Variants in BTC observed in about 807,000 individuals in gnomAD.
BTC encodes the protein probetacellulin.
In BTC, 13 loss-of-function variants were observed where a neutral mutation model predicts 18.1. That is an observed-to-expected ratio of 0.72 (90% CI 0.47 to 1.14). The LOEUF is 1.14. Among genes scored for constraint, BTC ranks in the 50% most tolerant of loss-of-function variants. The pLI, the probability that BTC is intolerant of heterozygous loss-of-function variation, is 0.00. For synonymous variants in BTC, 83 were observed against 79.4 expected, an observed-to-expected ratio of 1.05 and a Z score of -0.24; for missense variants, 247 against 224.2, an observed-to-expected ratio of 1.10 and a Z score of -0.65.
chr4:74,776,791 G>T (rs572928569), intron 1 of BTC, among the ~76,000 whole-genome samples: 1 of 152,064 alleles, frequency 6.6e-6, no homozygotes, highest in Admixed American at 6.6e-5. Flanking sequence ...CATTTTTAGA[G>T]CCAAGTGCAT....
chr4:74,764,151 TG>T (rs1467253551), intron 2 of BTC, among the ~76,000 whole-genome samples: 1 of 152,106 alleles, frequency 6.6e-6, no homozygotes, highest in Non-Finnish European at 1.5e-5. Flanking sequence ...ACTTCCTCAG[TG>T]ATCCTCCAGA....
chr4:74,758,791 C>T lies in BTC; in HGVS notation c.164-2815G>A, dbSNP rs553516634. Among the ~76,000 whole-genome samples the T allele has an allele frequency of 5.9e-5, 9 of 152,290 alleles. No individual in the cohort carries two copies. The East Asian group carries it at 1.7e-3, about 29-fold the overall frequency. ...GTTTTGATCGCTCACAGAGCTCTCT[C>T]CTTTGCCAAGTAAGCATGCTCTTAA... On this transcript the variant is annotated intron_variant, in intron 2 of 5. Transcript: ENST00000395743.
intron 1 of BTC, among the ~76,000 whole-genome samples, chr4:74,792,625 C>T (rs1411378781): frequency 6.6e-6 from 1 of 152,202 alleles, no homozygotes; most frequent in Non-Finnish European, 1.5e-5. Context: ...CTGGCTTTTT[C>T]AGTTCTTCAT....
At chr4:74,750,763 T>C in intron 3 of BTC, 44 bp from the exon 4 acceptor site, 1 of 1,588,598 alleles carries the variant, frequency 6.3e-7, no homozygotes, top group Non-Finnish European at 8.5e-7. Context: ...TTGCAAGACT[T>C]TTAAGAATCT....
intron 4 of BTC, among the ~76,000 whole-genome samples, chr4:74,750,060 C>T (rs1724417917): frequency 6.6e-6 from 1 of 151,966 alleles, no homozygotes; most frequent in Non-Finnish European, 1.5e-5. Context: ...TACACCACTG[C>T]CCTCCAGCCT....
chr4:74,792,110 A>T (rs985301033), intron 1 of BTC, among the ~76,000 whole-genome samples: 1 of 152,200 alleles, frequency 6.6e-6, no homozygotes, highest in South Asian at 2.1e-4. Context: ...TAAAGTGTGT[A>T]TGACAGAAAT....
intron 4 of BTC, among the ~76,000 whole-genome samples, chr4:74,749,714 T>TAAGAAAAAAAAAAA (rs1724404729): frequency 8.7e-6 from 1 of 114,558 alleles, no homozygotes; most frequent in Non-Finnish European, 1.9e-5. Context: ...TTGTTGTTTT[T>TAAGAAAAAAAAAAA]GGTAGCATAC....
chr4:74,788,064 G>T (rs2109920768), intron 1 of BTC, among the ~76,000 whole-genome samples: 1 of 152,262 alleles, frequency 6.6e-6, no homozygotes, highest in East Asian at 1.9e-4. Flanking sequence ...AATATTTTAA[G>T]TCTATCTTGT....
intron 2 of BTC, among the ~76,000 whole-genome samples, chr4:74,769,581 A>C (rs185539140): frequency 7.9e-4 from 121 of 152,346 alleles, no homozygotes; most frequent in African/African-American, 2.8e-3. Context: ...GAGAACACTA[A>C]TTCAAGCATC....
At chr4:74,794,121 C>T (rs925686014) in intron 1 of BTC, 141 bp downstream of exon 1, 5 of 1,062,208 alleles carry the variant, frequency 4.7e-6, no homozygotes, top group Non-Finnish European at 6.9e-6. Context: ...GCTCTCCCAG[C>T]CTTCAAAGTT....
intron 1 of BTC, among the ~76,000 whole-genome samples, chr4:74,793,652 T>A: frequency 6.6e-6 from 1 of 152,092 alleles, no homozygotes; most frequent in Non-Finnish European, 1.5e-5. Flanking sequence ...TCCAGCCACA[T>A]CTGAAGTTCC....
In BTC at chr4:74,767,627, G is replaced by A. The variant is rs1478621354; in HGVS notation, c.163+2431C>T. On this transcript the variant is annotated intron_variant, in intron 2 of 5. Transcript: ENST00000395743. The stretch of plus-strand genomic sequence containing the variant: ...CCCTGGATAGCCAAAACAATCTTGA[G>A]CAAGAACAAAGTTGGAGGTATCGTT... 3.3e-5 allele frequency among the ~76,000 whole-genome samples: 5 copies of A among 152,042 alleles called. No homozygotes were observed. In the South Asian group the frequency reaches 8.3e-4, roughly 25 times the overall value.
intron 3 of BTC, among the ~76,000 whole-genome samples, chr4:74,753,319 T>A (rs1453262653): frequency 2.6e-5 from 4 of 152,176 alleles, no homozygotes; most frequent in Admixed American, 2.6e-4. Context: ...TATTACCACC[T>A]TTGAGGTATG....
chr4:74,792,268 T>C (rs1307680441), intron 1 of BTC, among the ~76,000 whole-genome samples: 5 of 152,202 alleles, frequency 3.3e-5, no homozygotes, highest in African/African-American at 9.7e-5. Flanking sequence ...TTACCCTGAG[T>C]GTACAATAGC....
chr4:74,794,361 A>G lies in BTC; in HGVS notation c.-36T>C. The G allele has an allele frequency of 6.6e-7, 1 of 1,513,350 alleles. No individual in the cohort carries two copies. Among genetic ancestry groups the G allele is most frequent in the Non-Finnish European group, 8.8e-7 (1 of 1,130,542 alleles). 93.7% of individuals were successfully genotyped at this position (1,513,350 alleles called of 1,614,324 possible). On this transcript the variant is annotated 5_prime_UTR_variant, in exon 1 of 6. Transcript: ENST00000395743. Reference sequence around the variant, plus strand: ...CTGCCGGGCCGGGCAGCCCCTAGACAAGTCTCCCTCCTTCTTCGCCCCCTT... The same window carrying G: ...CTGCCGGGCCGGGCAGCCCCTAGACGAGTCTCCCTCCTTCTTCGCCCCCTT...
chr4:74,748,271 G>A (rs949320234), intron 4 of BTC, 122 bp from the exon 5 acceptor site: 36 of 562,144 alleles, frequency 6.4e-5, no homozygotes, highest in East Asian at 9.9e-5. Context: ...GTTCTAGGCC[G>A]GGCGCAGTGG....
At chr4:74,767,256 A>G (rs1263114842) in intron 2 of BTC, among the ~76,000 whole-genome samples, 1 of 152,018 alleles carries the variant, frequency 6.6e-6, no homozygotes, top group African/African-American at 2.4e-5. Flanking sequence ...ATACAAAATC[A>G]ACATGAAAAA....
At chr4:74,771,925 G>A (rs1725053948) in intron 1 of BTC, among the ~76,000 whole-genome samples, 1 of 152,144 alleles carries the variant, frequency 6.6e-6, no homozygotes, top group Admixed American at 6.5e-5. Flanking sequence ...TGACAACAGA[G>A]GATTAAGTAC....
At chr4:74,755,837 T>C (rs911888449) in intron 3 of BTC, 22 bp downstream of exon 3, 5 of 1,609,390 alleles carry the variant, frequency 3.1e-6, no homozygotes, top group Non-Finnish European at 3.4e-6. Flanking sequence ...TTTTGCTTGC[T>C]GGCTGAGGAC....
Sources: allele counts gnomAD v4.1 joint callset (sites outside exome capture counted in the v4.1 genomes callset), GRCh38; gene constraint gnomAD v4.1.1; transcripts MANE v1.5; gene names NCBI Gene and HGNC (gene_info 2026-07-23, HGNC 2026-07-21).